The following PPP1R8 variants were observed in gnomAD, a reference collection of about 807,000 sequenced individuals.
The protein encoded by PPP1R8 is nuclear inhibitor of protein phosphatase 1.
In PPP1R8, 4 loss-of-function variants were observed where a neutral mutation model predicts 31.3. The observed-to-expected ratio is 0.13, with a 90% CI of 0.06 to 0.29. The LOEUF (loss-of-function observed/expected upper bound fraction) is 0.29, where lower values mean the gene tolerates loss of function less well. Among genes scored for constraint, PPP1R8 ranks in the 10% least tolerant of loss-of-function variants. PPP1R8 has a pLI of 1.00. For synonymous variants in PPP1R8, 170 were observed against 169.7 expected (o/e 1.00, Z -0.01); for missense variants, 254 against 440.1 (o/e 0.58, Z 3.78).
intron 5 of PPP1R8, among the ~76,000 whole-genome samples, chr1:27,845,349 C>T (rs1215078313): frequency 6.7e-6 from 1 of 150,016 alleles, no homozygotes; most frequent in Non-Finnish European, 1.5e-5. Context: ...GAGATGGTGC[C>T]ACTGCACTCC....
intron 1 of PPP1R8, chr1:27,831,204 A>G: frequency 1.8e-6 from 2 of 1,129,382 alleles, no homozygotes; most frequent in Non-Finnish European, 2.2e-6. Flanking sequence ...CTCTTGACTG[A>G]GTGCCTGGTG....
At chr1:27,847,341 T>A (rs2089295231) in intron 6 of PPP1R8, among the ~76,000 whole-genome samples, 1 of 152,038 alleles carries the variant, frequency 6.6e-6, no homozygotes, top group African/African-American at 2.4e-5. Flanking sequence ...ACCCTGTCTC[T>A]ACTAAAAATA....
At chr1:27,847,149 A>T in intron 6 of PPP1R8, 57 bp downstream of exon 6, 2 of 1,551,448 alleles carry the variant, frequency 1.3e-6, no homozygotes, top group Non-Finnish European at 8.9e-7. Context: ...TCTTTAGGCC[A>T]GGCGCGTTGG....
At chr1:27,846,967 C>T in intron 5 of PPP1R8, 61 bp from the exon 6 acceptor site, 1 of 1,373,298 alleles carries the variant, frequency 7.3e-7, no homozygotes, top group Non-Finnish European at 1.0e-6. Context: ...GCAGTGACTC[C>T]TGTGCCCTTA....
chr1:27,838,694 T>C lies in PPP1R8; in HGVS notation c.118-5T>C, dbSNP rs1391947019. 8 of 1,478,980 alleles carry C rather than the reference T, an allele frequency of 5.4e-6. No individual in the cohort carries two copies. The East Asian group carries it at 2.0e-4, about 36-fold the overall frequency. 91.6% of individuals were successfully genotyped at this position (1,478,980 alleles called of 1,614,324 possible). ...TAAGTAATATTTAATTTAATATTTATTTAGAAACTGATTATTGATGAGAAG... is the reference window on the plus strand; with the variant it reads ...TAAGTAATATTTAATTTAATATTTACTTAGAAACTGATTATTGATGAGAAG... On this transcript the variant is annotated splice_polypyrimidine_tract_variant and splice_region_variant and intron_variant, in intron 2 of 6. Transcript: ENST00000311772.
intron 5 of PPP1R8, among the ~76,000 whole-genome samples, chr1:27,846,306 C>A (rs139285947): frequency 2.6e-5 from 4 of 152,242 alleles, no homozygotes; most frequent in African/African-American, 9.6e-5. Flanking sequence ...GCCCAGTCAT[C>A]CCCTCTGTGC....
intron 2 of PPP1R8, chr1:27,834,262 A>C (rs1043088534): frequency 5.7e-6 from 2 of 350,846 alleles, no homozygotes; most frequent in African/African-American, 4.3e-5. Flanking sequence ...ATTGGTGTCT[A>C]TTAGCTGATA....
At chr1:27,850,052 TCTC>T (rs2089325686) in intron 6 of PPP1R8, 38 bp from the exon 7 acceptor site, 2 of 1,505,506 alleles carry the variant, frequency 1.3e-6, no homozygotes, top group Admixed American at 4.5e-5. Context: ...CCTCTTGTCT[TCTC>T]TCTCCAATCT....
At chr1:27,838,946 A>G in intron 3 of PPP1R8, 94 bp downstream of exon 3, 1 of 1,265,952 alleles carries the variant, frequency 7.9e-7, no homozygotes, top group Non-Finnish European at 1.1e-6. Context: ...TTATGGAAAA[A>G]GTTAATGTTT....
rs1363852602 is a variant in PPP1R8, at chr1:27,842,359, AAG to A, written c.493-823_493-822del. ...CTCCGTCTCAAAAAAAAAAAAAAAA[AAG>A]AGAAATTTTACAATTAAGAAGTCGT... On this transcript the variant is annotated intron_variant, in intron 4 of 6. Coordinates refer to ENST00000311772, the MANE Select transcript of PPP1R8 (RefSeq NM_014110.5). Among the ~76,000 whole-genome samples the A allele has an allele frequency of 3.0e-3, 448 of 151,666 alleles. 5 individuals are homozygous for A. The highest frequency in any genetic ancestry group is 2.4e-3 in the Non-Finnish European group (165 of 67,946).
chr1:27,851,291 C>G lies in PPP1R8; in HGVS notation c.*845C>G. 3.1e-6 allele frequency: 1 copy of G among 320,020 alleles called. No individual in the cohort carries two copies. Among genetic ancestry groups the G allele is most frequent in the South Asian group, 2.7e-5 (1 of 37,648 alleles). 19.8% of individuals were successfully genotyped at this position (320,020 alleles called of 1,614,324 possible). ...ATTTGTTTGGAAGTAACTGGTGTCTCTAAGAGGAATTTTTAGATGTCAGTT... is the reference window on the plus strand; with the variant it reads ...ATTTGTTTGGAAGTAACTGGTGTCTGTAAGAGGAATTTTTAGATGTCAGTT... On this transcript the variant is annotated 3_prime_UTR_variant, in exon 7 of 7. Coordinates refer to ENST00000311772, the MANE Select transcript of PPP1R8 (RefSeq NM_014110.5).
intron 5 of PPP1R8, among the ~76,000 whole-genome samples, chr1:27,843,905 G>A (rs1290805670): frequency 6.6e-6 from 1 of 152,168 alleles, no homozygotes; most frequent in Non-Finnish European, 1.5e-5. Flanking sequence ...GTGAGCCGAG[G>A]TTGTGCCACT....
chr1:27,837,222 G>A (rs1477743498), intron 2 of PPP1R8, among the ~76,000 whole-genome samples: 1 of 152,072 alleles, frequency 6.6e-6, no homozygotes, highest in Admixed American at 6.5e-5. Context: ...ATGAGGTCAG[G>A]AGATCAAGAC....
At chr1:27,837,128 C>T (rs2089174413) in intron 2 of PPP1R8, among the ~76,000 whole-genome samples, 2 of 151,290 alleles carry the variant, frequency 1.3e-5, no homozygotes, top group African/African-American at 2.4e-5. Context: ...GACAGCCACT[C>T]TTCATACAAT....
intron 5 of PPP1R8, among the ~76,000 whole-genome samples, chr1:27,845,446 G>A (rs2089268590): frequency 6.6e-6 from 1 of 151,774 alleles, no homozygotes; most frequent in South Asian, 2.1e-4. Flanking sequence ...AGGGAAATGT[G>A]TTCAGGCAGT....
At chr1:27,838,655 G>T (rs1385843716) in intron 2 of PPP1R8, 44 bp from the exon 3 acceptor site, 2 of 1,312,036 alleles carry the variant, frequency 1.5e-6, no homozygotes, top group African/African-American at 1.5e-5. Context: ...GGTAAATGCT[G>T]TTGAAACAAG....
chr1:27,849,430 C>G (rs994436954), intron 6 of PPP1R8, among the ~76,000 whole-genome samples: 9 of 151,822 alleles, frequency 5.9e-5, no homozygotes, highest in Admixed American at 5.9e-4. Flanking sequence ...TTTTTTCCCC[C>G]TCAAAAAAGG....
chr1:27,847,548 T>C (rs542521130), intron 6 of PPP1R8, among the ~76,000 whole-genome samples: 1 of 149,292 alleles, frequency 6.7e-6, no homozygotes, highest in East Asian at 2.0e-4. Flanking sequence ...CTGGCCAACA[T>C]GTTGAAACCC....
intron 5 of PPP1R8, among the ~76,000 whole-genome samples, chr1:27,845,891 G>A (rs1014070060): frequency 2.2e-4 from 32 of 144,654 alleles, no homozygotes; most frequent in African/African-American, 7.5e-4. Flanking sequence ...CCGGGTTCAC[G>A]CCATTCTCCT....
Sources: gnomAD v4.1 joint callset for allele counts (sites outside exome capture counted in the v4.1 genomes callset) on GRCh38, gnomAD v4.1.1 for gene constraint, MANE v1.5 for transcripts, NCBI Gene and HGNC (gene_info 2026-07-23, HGNC 2026-07-21) for gene names.